The following PTPRT variants were observed in gnomAD, a reference collection of about 807,000 sequenced individuals.
PTPRT encodes the protein protein tyrosine phosphatase receptor type T, also known as receptor-type tyrosine-protein phosphatase T.
PTPRT carries 56 observed loss-of-function variants against 176.8 expected under a neutral mutation model. The observed-to-expected ratio is 0.32, with a 90% CI of 0.26 to 0.40. The LOEUF is 0.40. PTPRT is among the 10% of genes least tolerant of loss of function. The pLI is 1.00. For synonymous variants in PTPRT, 783 were observed against 739.0 expected, an observed-to-expected ratio of 1.06 and a Z score of -0.96; for missense variants, 1,540 against 1,908.2, an observed-to-expected ratio of 0.81 and a Z score of 3.60.
chr20:42,949,620 G>A (rs987066904), intron 1 of PTPRT, among the ~76,000 whole-genome samples: 1 of 152,190 alleles, frequency 6.6e-6, no homozygotes. Flanking sequence ...ACATTATGGA[G>A]TGGAGACAAA....
At chr20:42,209,119 C>G (rs1221029320) in intron 15 of PTPRT, among the ~76,000 whole-genome samples, 1 of 152,126 alleles carries the variant, frequency 6.6e-6, no homozygotes, top group Non-Finnish European at 1.5e-5. Flanking sequence ...ACACAACATA[C>G]CAGAATCTCT....
Position 42,497,456 on chromosome 20 carries a change from G to C in PTPRT, c.1154-24894C>G, listed in dbSNP as rs150420664. 2.4e-3 allele frequency among the ~76,000 whole-genome samples: 362 copies of C among 151,224 alleles called. 3 individuals are homozygous for C. Among genetic ancestry groups the C allele is most frequent in the African/African-American group, 8.0e-3 (330 of 41,232 alleles). ...TTCTCCTGTTATCTTGATTTTTTTT[G>C]GTTTGTTTGTTTGAGACAAAGTCTC... On this transcript the variant is annotated intron_variant, in intron 7 of 30. Coordinates refer to ENST00000373187, the MANE Select transcript of PTPRT (RefSeq NM_007050.6).
chr20:42,449,591 C>G (rs960959279), intron 8 of PTPRT, among the ~76,000 whole-genome samples: 1 of 152,088 alleles, frequency 6.6e-6, no homozygotes, highest in African/African-American at 2.4e-5. Context: ...TCCTTTGCGT[C>G]GATAAGAGAA....
rs141286693 is a variant in PTPRT, at chr20:42,842,147, C to G, written c.214+43660G>C. ...TAGAATCAGAAAACTCCTGTATTCTCCAACAGCAGCCTGGTTTCATGGAAT... is the reference window on the plus strand; with the variant it reads ...TAGAATCAGAAAACTCCTGTATTCTGCAACAGCAGCCTGGTTTCATGGAAT... On this transcript the variant is annotated intron_variant, in intron 2 of 30. Coordinates refer to ENST00000373187, the MANE Select transcript of PTPRT (RefSeq NM_007050.6). Among the ~76,000 whole-genome samples the G allele has an allele frequency of 2.6e-4, 39 of 152,326 alleles. No homozygotes were observed. In the East Asian group the frequency reaches 7.1e-3, roughly 28 times the overall value.
At chr20:42,209,830 C>A (rs1335048235) in intron 15 of PTPRT, among the ~76,000 whole-genome samples, 1 of 152,120 alleles carries the variant, frequency 6.6e-6, no homozygotes, top group Non-Finnish European at 1.5e-5. Context: ...CAAAGCCTGG[C>A]AGAGACACAA....
intron 15 of PTPRT, among the ~76,000 whole-genome samples, chr20:42,201,554 T>C (rs1226744235): frequency 6.6e-6 from 1 of 151,936 alleles, no homozygotes. Context: ...AATATACTAG[T>C]GCCTCAGTAG....
rs549328912 is a variant in PTPRT, at chr20:42,778,678, A to T, written c.568+1540T>A. Among the ~76,000 whole-genome samples the T allele has an allele frequency of 5.9e-4, 90 of 152,338 alleles. 1 individual carries two copies. The highest frequency in any genetic ancestry group is 6.8e-3 in the Middle Eastern group (2 of 294). On this transcript the variant is annotated intron_variant, in intron 4 of 30. Transcript: ENST00000373187. ...CAGACATCTCCCAACACAGTTGCCC[A>T]GTCTTAGGCTCATTCTCAAATGAGC...
intron 1 of PTPRT, among the ~76,000 whole-genome samples, chr20:43,047,686 AATG>A (rs3092428): frequency 0.2 from 30,724 of 151,726 alleles, 3,276 homozygotes; most frequent in Admixed American, 0.33. Flanking sequence ...TAATCATACT[AATG>A]ATGATGATGA....
intron 2 of PTPRT, among the ~76,000 whole-genome samples, chr20:42,869,044 T>G (rs753525413): frequency 2.6e-5 from 4 of 152,270 alleles, no homozygotes; most frequent in Admixed American, 6.5e-5. Context: ...GTGCATAAGC[T>G]GTGGGGGCAT....
At chr20:42,682,427 C>T (rs899425092) in intron 6 of PTPRT, among the ~76,000 whole-genome samples, 4 of 152,150 alleles carry the variant, frequency 2.6e-5, no homozygotes, top group Non-Finnish European at 4.4e-5. Context: ...TGCTTGAATT[C>T]CTAACAGTTT....
chr20:42,560,728 T>A (rs2072939295), intron 7 of PTPRT, among the ~76,000 whole-genome samples: 1 of 152,188 alleles, frequency 6.6e-6, no homozygotes, highest in Admixed American at 6.5e-5. Context: ...TGCTGTGTCC[T>A]TTAGCAGACT....
intron 13 of PTPRT, among the ~76,000 whole-genome samples, chr20:42,282,126 G>A (rs994318255): frequency 2.0e-5 from 3 of 152,000 alleles, no homozygotes; most frequent in Non-Finnish European, 4.4e-5. Context: ...GGGTCTAATA[G>A]ACATGCTTAA....
In PTPRT at chr20:43,042,343, G is replaced by A. The variant is rs186436328; in HGVS notation, c.88+147303C>T. 2.7e-5 allele frequency among the ~76,000 whole-genome samples: 4 copies of A among 149,298 alleles called. No homozygotes were observed. In the East Asian group the frequency reaches 5.8e-4, roughly 22 times the overall value. ...TGTCTCATCGTCCAGTGATCCAGGC[G>A]ATAATTTACTAACCAGGCAGCACAC... On this transcript the variant is annotated intron_variant, in intron 1 of 30. Coordinates refer to ENST00000373187, the MANE Select transcript of PTPRT (RefSeq NM_007050.6).
intron 1 of PTPRT, among the ~76,000 whole-genome samples, chr20:43,048,233 C>T (rs1276681489): frequency 3.3e-5 from 5 of 151,936 alleles, no homozygotes; most frequent in South Asian, 2.1e-4. Context: ...AGGAAGGGGT[C>T]GCTCAGGAGG....
At chr20:43,182,037 T>C (rs2015271583) in intron 1 of PTPRT, among the ~76,000 whole-genome samples, 2 of 152,170 alleles carry the variant, frequency 1.3e-5, no homozygotes, top group African/African-American at 4.8e-5. Context: ...TGATCCAACA[T>C]GAAGCACTGT....
chr20:42,579,531 A>T (rs563318480), intron 7 of PTPRT, among the ~76,000 whole-genome samples: 3 of 152,270 alleles, frequency 2.0e-5, no homozygotes, highest in African/African-American at 4.8e-5. Flanking sequence ...ACCAACAGTG[A>T]AAAAGTGTTC....
At chr20:42,697,051 T>A (rs1253478003) in intron 6 of PTPRT, among the ~76,000 whole-genome samples, 3 of 152,164 alleles carry the variant, frequency 2.0e-5, no homozygotes, top group Non-Finnish European at 1.5e-5. Context: ...ATTACCAGAC[T>A]TTTTTTGTGT....
In PTPRT at chr20:42,080,307, G is replaced by A; in HGVS notation, c.*572C>T. 1 of 233,426 alleles carries A rather than the reference G, an allele frequency of 4.3e-6. No individual in the cohort carries two copies. Among genetic ancestry groups the A allele is most frequent in the South Asian group, 1.8e-4 (1 of 5,542 alleles). The allele number at this position is 233,426 out of a possible 1,614,324, so 14.5% of individuals were successfully genotyped here. On this transcript the variant is annotated 3_prime_UTR_variant, in exon 31 of 31. Transcript: ENST00000373187. ...GTGGGCGAAGCCCCATGCAGGTTAG[G>A]TGTGAGGATGGGGGGCCTCTCTTGT...
In PTPRT at chr20:42,968,843, T is replaced by C. The variant is rs373106666; in HGVS notation, c.89-82911A>G. On this transcript the variant is annotated intron_variant, in intron 1 of 30. Coordinates refer to ENST00000373187, the MANE Select transcript of PTPRT (RefSeq NM_007050.6). ...CCTTCTGTCATCACAAGCCTTCTGA[T>C]CTCCAGCCCTCTGATCTGCCCCAGT... The C allele has an allele frequency of 5.3e-5, 8 of 152,376 alleles. No homozygotes were observed. The East Asian group carries it at 1.4e-3, about 26-fold the overall frequency. The allele number at this position is 152,376 out of a possible 1,614,324, so 9.4% of individuals were successfully genotyped here. A position where few individuals can be genotyped will look rare whatever the true frequency, so the allele number is the denominator to read the frequency against.
Sources: allele counts gnomAD v4.1 joint callset (sites outside exome capture counted in the v4.1 genomes callset), GRCh38; gene constraint gnomAD v4.1.1; transcripts MANE v1.5; gene names NCBI Gene and HGNC (gene_info 2026-07-23, HGNC 2026-07-21).